Variants in ZNF324B observed in about 807,000 individuals in gnomAD.
ZNF324B encodes zinc finger protein 324B.
In ZNF324B, 7 loss-of-function variants were observed where a neutral mutation model predicts 10.6. That is an observed-to-expected ratio of 0.66 (90% CI 0.38 to 1.24). The LOEUF is 1.24. ZNF324B is among the 50% of genes most tolerant of loss of function. The pLI is 0.02. For missense variants in ZNF324B, 640 were observed against 764.7 expected (o/e 0.84, Z 1.92); for synonymous variants, 316 against 321.0 (o/e 0.98, Z 0.17).
At chr19:58,419,950 C>G in the ZNF324B span, among the ~76,000 whole-genome samples, 1 of 152,284 alleles carries the variant, frequency 6.6e-6, no homozygotes, top group South Asian at 2.1e-4. Flanking sequence ...GTAGCAGCGA[C>G]TACAGTTACA....
At chr19:58,434,480 T>G in the ZNF324B span, 2 of 1,614,152 alleles carry the variant, frequency 1.2e-6, no homozygotes, top group Non-Finnish European at 1.7e-6. Context: ...CCACATGCAA[T>G]GCACTCATAA....
chr19:58,431,776 G>C, the ZNF324B span, among the ~76,000 whole-genome samples: 37 of 152,290 alleles, frequency 2.4e-4, no homozygotes, highest in African/African-American at 8.7e-4. Flanking sequence ...CAGATCAGGA[G>C]GTCAGGAGAT....
the ZNF324B span, chr19:58,444,839 A>G: frequency 6.6e-6 from 1 of 152,334 alleles, no homozygotes; most frequent in Admixed American, 6.5e-5. Context: ...GTACATGCAC[A>G]TCTTCAAAGG....
Position 58,451,716 on chromosome 19 carries a change from G to T in ZNF324B, c.-7+12G>T, listed in dbSNP as rs778450089. On this transcript the variant is annotated intron_variant, in intron 1 of 3. Transcript: ENST00000336614. ...GGGCGGCCAGGAAGGTACGGACCAC[G>T]AGCAGCCGGCCGCGCCCCCAAGCCT... 9 of 465,946 alleles carry T rather than the reference G, an allele frequency of 1.9e-5. No individual in the cohort carries two copies. The highest frequency in any genetic ancestry group is 4.2e-6 in the Non-Finnish European group (1 of 238,232). The allele number at this position is 465,946 out of a possible 1,614,324, so 28.9% of individuals were successfully genotyped here.
chr19:58,424,263 AAAAC>A, the ZNF324B span, among the ~76,000 whole-genome samples: 2 of 151,964 alleles, frequency 1.3e-5, no homozygotes, highest in Admixed American at 1.3e-4. Context: ...AGAACAAAAT[AAAAC>A]AAACAACAAC....
chr19:58,424,148 C>T, the ZNF324B span, among the ~76,000 whole-genome samples: 209 of 151,942 alleles, frequency 1.4e-3, no homozygotes, highest in African/African-American at 4.9e-3. Flanking sequence ...ACTTGGGAGG[C>T]TAAGGCAGGA....
At position 58,455,356 on chromosome 19, in the gene ZNF324B, G is replaced by A; in HGVS notation, c.412G>A (p.Gly138Arg). ...CCCATCTCAGGAGAGAAAACCCACG[G>A]GGGTGTCGGTGATCTACTGGGAGAG... ...ASPSQERKPT[G>R]VSVIYWERLL... The change falls in exon 4 of 4, where the codon GGG becomes AGG. Residue 138 changes from glycine (G) to arginine (R), a missense_variant. Physicochemically the swap from Gly to Arg is moderately radical, Grantham distance 125. This residue lies in a region of ZNF324B where 345 missense variants were observed against 387.9 expected (regional missense o/e 0.89). Transcript: ENST00000336614. This position sits in a 1 kb window ranked among gnomAD's most constrained non-coding sequence, Gnocchi z 7.0. The A allele has an allele frequency of 6.2e-7, 1 of 1,614,230 alleles. No homozygotes were observed. The highest frequency in any genetic ancestry group is 8.5e-7 in the Non-Finnish European group (1 of 1,180,040).
the ZNF324B span, among the ~76,000 whole-genome samples, chr19:58,422,114 G>C: frequency 2.0e-5 from 3 of 152,052 alleles, no homozygotes; most frequent in Non-Finnish European, 2.9e-5. Context: ...GACAGGGTTT[G>C]CTATGTTGGC....
chr19:58,440,326 G>C, the ZNF324B span: 91,380 of 166,426 alleles, frequency 0.55, 26,690 homozygotes, highest in African/African-American at 0.77. Context: ...TCGCTGCTCA[G>C]GCAACGCAAA....
At chr19:58,439,723 C>G in the ZNF324B span, 2 of 1,494,406 alleles carry the variant, frequency 1.3e-6, no homozygotes, top group Non-Finnish European at 1.8e-6. Flanking sequence ...GGGCCGGAAT[C>G]CCAGCGGGTG....
At chr19:58,436,979 C>G in the ZNF324B span, 1 of 1,609,492 alleles carries the variant, frequency 6.2e-7, no homozygotes, top group South Asian at 1.1e-5. Flanking sequence ...TTGGGATGAA[C>G]AGAGCTTTCT....
At chr19:58,423,582 G>T in the ZNF324B span, among the ~76,000 whole-genome samples, 2 of 152,180 alleles carry the variant, frequency 1.3e-5, no homozygotes, top group Non-Finnish European at 2.9e-5. Flanking sequence ...TCAGAGCTTT[G>T]TAGAATCAAA....
chr19:58,444,083 G>C, the ZNF324B span: 1 of 152,260 alleles, frequency 6.6e-6, no homozygotes, highest in Non-Finnish European at 1.5e-5. Context: ...TGTTGGCAGT[G>C]CCCTGGTGGC....
chr19:58,427,561 G>A, the ZNF324B span, among the ~76,000 whole-genome samples: 35 of 147,340 alleles, frequency 2.4e-4, no homozygotes, highest in African/African-American at 8.8e-4. Flanking sequence ...CTCCATGTTG[G>A]TCAGGCTGGT....
At chr19:58,433,542 T>G in the ZNF324B span, 3 of 1,614,130 alleles carry the variant, frequency 1.9e-6, no homozygotes, top group Non-Finnish European at 2.5e-6. Context: ...TGCTAAAGGC[T>G]CTCCCACATT....
chr19:58,420,603 T>C, the ZNF324B span, among the ~76,000 whole-genome samples: 1 of 151,934 alleles, frequency 6.6e-6, no homozygotes, highest in Admixed American at 6.6e-5. Flanking sequence ...GGTTTTGCCA[T>C]GTGCCCAGGC....
chr19:58,434,254 T>G, the ZNF324B span: 1 of 1,614,202 alleles, frequency 6.2e-7, no homozygotes. Context: ...TACCTGTGTG[T>G]GAACTTTCTG....
chr19:58,444,514 ACCT>A, the ZNF324B span: 4 of 151,724 alleles, frequency 2.6e-5, no homozygotes, highest in Non-Finnish European at 4.4e-5. Flanking sequence ...GTTTTTGAAA[ACCT>A]CTTCTTCCGT....
chr19:58,456,571 A>G lies in ZNF324B; in HGVS notation c.1627A>G (p.Lys543Glu). The stretch of plus-strand genomic sequence containing the variant: ...GCCAAGCCCAGTCCTGAAGCCAGCG[A>G]AGGTCTGAGGTCACAGGTCGCAGCC... ...GKPSPVLKPA[K>E]V Residue 543 changes from lysine to glutamate, a missense_variant, in exon 4 of 4, where the codon AAG (lysine) becomes GAG (glutamate). Physicochemically the swap from Lys to Glu is moderately conservative, Grantham distance 56. Coordinates refer to ENST00000336614, the MANE Select transcript of ZNF324B (RefSeq NM_207395.3). This position sits in a 1 kb window ranked among gnomAD's most constrained non-coding sequence, Gnocchi z 4.7. 1.2e-6 allele frequency: 2 copies of G among 1,613,608 alleles called. No individual in the cohort carries two copies. The highest frequency in any genetic ancestry group is 1.7e-5 in the Admixed American group (1 of 60,004).
Sources: allele counts gnomAD v4.1 joint callset (sites outside exome capture counted in the v4.1 genomes callset), GRCh38; gene constraint gnomAD v4.1.1; regional missense constraint gnomAD v4.1.1; non-coding constraint Gnocchi (gnomAD v3.1); transcripts MANE v1.5; gene names NCBI Gene and HGNC (gene_info 2026-07-23, HGNC 2026-07-21).